RASAL2: variants seen among roughly 807,000 people sequenced by gnomAD.
RASAL2 encodes the protein ras GTPase-activating protein nGAP.
Under a neutral mutation model 128.9 loss-of-function variants are expected in RASAL2, and 58 were observed. That is an observed-to-expected ratio of 0.45 (90% CI 0.36 to 0.56). The LOEUF (loss-of-function observed/expected upper bound fraction) is 0.56, where lower values mean the gene tolerates loss of function less well. RASAL2 is among the 20% of genes least tolerant of loss of function. RASAL2 has a pLI of 0.00. For synonymous variants in RASAL2, 561 were observed against 580.8 expected, an observed-to-expected ratio of 0.97 and a Z score of 0.49; for missense variants, 1,360 against 1,601.6, an observed-to-expected ratio of 0.85 and a Z score of 2.57.
At chr1:178,202,026 T>A (rs1352864813) in intron 1 of RASAL2, among the ~76,000 whole-genome samples, 1 of 152,048 alleles carries the variant, frequency 6.6e-6, no homozygotes. Flanking sequence ...AACTGTGCAT[T>A]GGAGAAAGGG....
At chr1:178,285,983 A>G (rs1320688277) in intron 2 of RASAL2, among the ~76,000 whole-genome samples, 1 of 152,134 alleles carries the variant, frequency 6.6e-6, no homozygotes. Context: ...TTCTAAAACA[A>G]CATCTTATGT....
chr1:178,264,717 T>A (rs186180914), intron 1 of RASAL2, among the ~76,000 whole-genome samples: 4 of 152,342 alleles, frequency 2.6e-5, no homozygotes, highest in Admixed American at 1.3e-4. Context: ...TGTGGATGTA[T>A]TCACCAACCT....
Position 178,454,495 on chromosome 1 carries a change from A to G in RASAL2, c.2058A>G (p.Glu686=). 1.2e-6 allele frequency: 2 copies of G among 1,613,636 alleles called. No homozygotes were observed. ...TGGCATTCATGAATGATTTTTTAGA[A>G]CATGAATGGGGTGGAATGAAGCGCT... ...EYMAFMNDFL[E]HEWGGMKRFL... is the part of the protein sequence containing the mutation. The change falls in exon 12 of 18, where the codon GAA becomes GAG. Residue 686 remains glutamate (E), a synonymous_variant. Transcript: ENST00000367649.
chr1:178,262,845 A>G (rs1390497058), intron 1 of RASAL2, among the ~76,000 whole-genome samples: 1 of 150,490 alleles, frequency 6.6e-6, no homozygotes, highest in African/African-American at 2.5e-5. Context: ...ACTGACCTAA[A>G]TGGTGTACAT....
chr1:178,107,236 A>G (rs1233564457), intron 1 of RASAL2, among the ~76,000 whole-genome samples: 6 of 152,144 alleles, frequency 3.9e-5, no homozygotes, highest in African/African-American at 2.4e-5. Flanking sequence ...ACCCTCTATT[A>G]TTGAAGTTCA....
intron 3 of RASAL2, among the ~76,000 whole-genome samples, chr1:178,351,917 A>G (rs1029683431): frequency 5.3e-5 from 8 of 152,182 alleles, no homozygotes; most frequent in African/African-American, 1.7e-4. Context: ...AATTTTACAT[A>G]AACATACTCT....
At chr1:178,265,672 G>A (rs1277005749) in intron 1 of RASAL2, among the ~76,000 whole-genome samples, 1 of 152,154 alleles carries the variant, frequency 6.6e-6, no homozygotes, top group Non-Finnish European at 1.5e-5. Context: ...ATAGCTTGAT[G>A]TATGGCTTGA....
At chr1:178,230,434 C>T (rs897725509) in intron 1 of RASAL2, among the ~76,000 whole-genome samples, 4 of 152,198 alleles carry the variant, frequency 2.6e-5, no homozygotes, top group Non-Finnish European at 5.9e-5. Flanking sequence ...GTTCTGGTTA[C>T]TCTACATCCT....
chr1:178,294,730 A>G (rs1324843326), intron 2 of RASAL2, among the ~76,000 whole-genome samples: 1 of 152,176 alleles, frequency 6.6e-6, no homozygotes, highest in Admixed American at 6.5e-5. Context: ...TCTGCTGCAT[A>G]CTATTTTCCA....
intron 3 of RASAL2, among the ~76,000 whole-genome samples, chr1:178,323,236 G>A (rs761774590): frequency 2.0e-5 from 3 of 152,156 alleles, no homozygotes; most frequent in Non-Finnish European, 4.4e-5. Context: ...TGGCAAGATT[G>A]TATCTTACTC....
chr1:178,167,442 T>G (rs893567172), intron 1 of RASAL2, among the ~76,000 whole-genome samples: 1 of 152,130 alleles, frequency 6.6e-6, no homozygotes, highest in African/African-American at 2.4e-5. Flanking sequence ...TTTCAGTTAC[T>G]TAATAGAGAA....
intron 11 of RASAL2, 82 bp downstream of exon 11, chr1:178,452,734 C>T (rs1677470809): frequency 2.3e-5 from 25 of 1,097,716 alleles, no homozygotes; most frequent in Non-Finnish European, 3.3e-5. Context: ...GGTTGGGAGC[C>T]TCATCACTCA....
At chr1:178,162,524 GTATAATATATCTTTATATAAAATATA>G (rs1158233779) in intron 1 of RASAL2, among the ~76,000 whole-genome samples, 8,244 of 119,990 alleles carry the variant, frequency 0.069, 310 homozygotes, top group Middle Eastern at 0.11. Context: ...TTTATATAAA[GTATAATATATCTTTATATAAAATATA>G]TATAATATAT....
intron 1 of RASAL2, among the ~76,000 whole-genome samples, chr1:178,098,973 G>A (rs1426852950): frequency 6.6e-6 from 1 of 152,188 alleles, no homozygotes; most frequent in Non-Finnish European, 1.5e-5. Context: ...TATTCAAGAA[G>A]TGAATATGAG....
At chr1:178,377,264 A>G (rs1338428164) in intron 3 of RASAL2, among the ~76,000 whole-genome samples, 2 of 152,136 alleles carry the variant, frequency 1.3e-5, no homozygotes, top group African/African-American at 4.8e-5. Context: ...AACATATTCA[A>G]AAATTGAAAC....
intron 1 of RASAL2, chr1:178,123,281 T>C (rs373199035): frequency 6.6e-6 from 1 of 152,226 alleles, no homozygotes; most frequent in African/African-American, 2.4e-5. Flanking sequence ...AATTATGAGA[T>C]CTTTGAAGGC....
chr1:178,467,727 G>A (rs1008658162), intron 17 of RASAL2, among the ~76,000 whole-genome samples: 10 of 152,222 alleles, frequency 6.6e-5, no homozygotes, highest in Non-Finnish European at 1.3e-4. Flanking sequence ...TTCTAAGGGC[G>A]TAATTGTGAA....
Position 178,451,654 on chromosome 1 carries a change from C to T in RASAL2, c.1711C>T (p.His571Tyr), listed in dbSNP as rs747584449. Reference sequence around the variant, plus strand: ...ATGTTCATCTAGTGAACTGATAGACCATCAGAGCAACCTGAAAATGTGCTG... The same window carrying T: ...ATGTTCATCTAGTGAACTGATAGACTATCAGAGCAACCTGAAAATGTGCTG... ...SKCSSSELID[H>Y]QSNLKMCCEL... Residue 571 changes from histidine (H) to tyrosine (Y), a missense_variant, in exon 10 of 18, where the codon CAT becomes TAT. Physicochemically the swap from His to Tyr is moderately conservative, Grantham distance 83 (BLOSUM62 2). Transcript: ENST00000367649. 2.5e-6 allele frequency: 4 copies of T among 1,613,694 alleles called. No individual in the cohort carries two copies. Among genetic ancestry groups the T allele is most frequent in the African/African-American group, 2.7e-5 (2 of 74,874 alleles).
intron 3 of RASAL2, among the ~76,000 whole-genome samples, chr1:178,349,218 A>C (rs1670326756): frequency 6.7e-6 from 1 of 148,836 alleles, no homozygotes; most frequent in African/African-American, 2.5e-5. Flanking sequence ...CAGGAGATCG[A>C]GACCGTCCTG....
Sources: allele counts gnomAD v4.1 joint callset (sites outside exome capture counted in the v4.1 genomes callset), GRCh38; gene constraint gnomAD v4.1.1; transcripts MANE v1.5; gene names NCBI Gene and HGNC (gene_info 2026-07-23, HGNC 2026-07-21).